The following BRAT1 variants were observed in gnomAD, a reference collection of about 807,000 sequenced individuals.
BRAT1 encodes the protein integrator complex assembly factor BRAT1.
A neutral mutation model predicts 70.6 loss-of-function variants in BRAT1; 74 were observed. The ratio of observed to expected loss-of-function variants is 1.05; its 90% confidence interval spans 0.87 to 1.27. The LOEUF is 1.27. Ranked by LOEUF, BRAT1 falls within the 50% of genes most tolerant of loss-of-function variation. BRAT1 has a pLI of 0.00. For missense variants in BRAT1, 1,203 were observed against 1,098.2 expected (o/e 1.10, Z -1.35); for synonymous variants, 615 against 517.1 (o/e 1.19, Z -2.57).
At chr7:2,540,943 C>G (rs1432505572) in intron 10 of BRAT1, 36 bp downstream of exon 10, 1 of 1,486,698 alleles carries the variant, frequency 6.7e-7, no homozygotes, top group African/African-American at 1.5e-5. Flanking sequence ...GCCTCTGCCT[C>G]CCTCCTCTCC....
intron 10 of BRAT1, chr7:2,540,214 G>C (rs1286263162): frequency 3.5e-6 from 1 of 288,934 alleles, no homozygotes; most frequent in Non-Finnish European, 6.4e-6. Flanking sequence ...CTACCCCTGA[G>C]CTATACTCCT....
At chr7:2,554,107 A>C (rs1047644610) in intron 2 of BRAT1, among the ~76,000 whole-genome samples, 198 bp downstream of exon 2, 6 of 152,218 alleles carry the variant, frequency 3.9e-5, no homozygotes, top group African/African-American at 1.4e-4. Context: ...CTAACTCTCC[A>C]GATCATTCTC....
chr7:2,555,412 C>T (rs1259095634), intron 1 of BRAT1, 75 bp downstream of exon 1: 2 of 152,164 alleles, frequency 1.3e-5, no homozygotes, highest in Non-Finnish European at 2.9e-5. Context: ...GGCCCGCCCG[C>T]CCCCCTCGGC....
At chr7:2,551,662 G>A (rs1269059345) in intron 2 of BRAT1, among the ~76,000 whole-genome samples, 10 of 149,202 alleles carry the variant, frequency 6.7e-5, no homozygotes, top group Non-Finnish European at 1.5e-4. Context: ...CCTGGGTGAC[G>A]CGCAAAAACC....
intron 13 of BRAT1, chr7:2,538,970 A>G: frequency 6.9e-7 from 1 of 1,443,878 alleles, no homozygotes; most frequent in South Asian, 1.5e-5. Flanking sequence ...AACCATGTCT[A>G]AGTGGAGGGG....
chr7:2,539,376 A>G (rs1401306508), intron 12 of BRAT1, 25 bp from the exon 13 acceptor site: 1 of 1,587,310 alleles, frequency 6.3e-7, no homozygotes, highest in Middle Eastern at 2.0e-4. Context: ...GGCCACATGC[A>G]GCTGTGACTG....
At chr7:2,539,941 T>C in intron 10 of BRAT1, 53 bp from the exon 11 acceptor site, 1 of 1,305,836 alleles carries the variant, frequency 7.7e-7, no homozygotes, top group Non-Finnish European at 1.0e-6. Flanking sequence ...GGGCAGGCTG[T>C]CTGTCTGTCC....
At chr7:2,549,719 T>G (rs1381708713) in intron 2 of BRAT1, among the ~76,000 whole-genome samples, 2 of 152,246 alleles carry the variant, frequency 1.3e-5, no homozygotes. Context: ...ACAAGCAATG[T>G]GGTGTTTCTA....
intron 2 of BRAT1, among the ~76,000 whole-genome samples, chr7:2,553,021 G>A (rs949110002): frequency 5.9e-5 from 9 of 151,286 alleles, no homozygotes; most frequent in Non-Finnish European, 1.3e-4. Flanking sequence ...TGGGATTACA[G>A]GCTTGAGCCA....
chr7:2,546,125 C>A (rs904506681), intron 3 of BRAT1, among the ~76,000 whole-genome samples: 1 of 152,228 alleles, frequency 6.6e-6, no homozygotes, highest in Non-Finnish European at 1.5e-5. Context: ...CTGGGAGGCT[C>A]TCGAGCTCTC....
rs568468610 is a variant in BRAT1, at chr7:2,539,233, C to T, written c.1716G>A (p.Leu572=). 9 of 1,610,984 alleles carry T rather than the reference C, an allele frequency of 5.6e-6. No individual in the cohort carries two copies. Among genetic ancestry groups the T allele is most frequent in the African/African-American group, 4.0e-5 (3 of 74,874 alleles). The change falls in exon 13 of 14, where the codon CTG becomes CTA. Residue 572 remains leucine (L), a synonymous_variant. Transcript: ENST00000340611. ...RASAVTAMGQ[L]SSQGLHAPTS... Reference sequence around the variant, plus strand: ...TGGGGGCGTGCAGGCCCTGGCTGGACAGCTGCCCCATGGCGGTCACTGCAC... The same window carrying T: ...TGGGGGCGTGCAGGCCCTGGCTGGATAGCTGCCCCATGGCGGTCACTGCAC...
intron 2 of BRAT1, among the ~76,000 whole-genome samples, chr7:2,547,821 C>T (rs1055911642): frequency 2.2e-4 from 33 of 152,066 alleles, no homozygotes; most frequent in African/African-American, 7.7e-4. Flanking sequence ...TGGTGGCTCA[C>T]GCCTGTAATC....
intron 2 of BRAT1, among the ~76,000 whole-genome samples, chr7:2,553,219 C>A (rs747764277): frequency 6.6e-6 from 1 of 152,036 alleles, no homozygotes; most frequent in Non-Finnish European, 1.5e-5. Context: ...TTAGTAGAGA[C>A]GAGGTCTCAC....
chr7:2,542,286 A>G, intron 6 of BRAT1, 75 bp from the exon 7 acceptor site: 4 of 1,285,488 alleles, frequency 3.1e-6, no homozygotes, highest in Non-Finnish European at 4.4e-6. Context: ...TGTCCCCAGC[A>G]AGCCTGGGGC....
rs1583301401 is a variant in BRAT1, at chr7:2,541,327, T to C, written c.1292A>G (p.Asp431Gly). The C allele has an allele frequency of 3.1e-6, 5 of 1,600,322 alleles. 1 individual carries two copies. The African/African-American group carries it at 4.0e-5, about 13-fold the overall frequency. The change falls in exon 9 of 14, where the codon GAC becomes GGC. Residue 431 changes from aspartate to glycine, a missense_variant. Coordinates refer to ENST00000340611, the MANE Select transcript of BRAT1 (RefSeq NM_152743.4). ...GCVRVQRAALDFLGTLSQGTG... is the reference protein window; with the variant it reads ...GCVRVQRAALGFLGTLSQGTG... ...CCCCTGTGACAGCGTCCCCAGGAAG[T>C]CGAGGGCTGCTCGCTGGACCCGGAC...
At chr7:2,544,774 T>TGCAGTGCAGTCTTTGCAAC in intron 4 of BRAT1, 135 bp downstream of exon 4, 1 of 1,345,886 alleles carries the variant, frequency 7.4e-7, no homozygotes, top group East Asian at 2.8e-5. Context: ...TGGACAGCCG[T>TGCAGTGCAGTCTTTGCAAC]ACTGTCACAG....
intron 2 of BRAT1, among the ~76,000 whole-genome samples, 184 bp from the exon 3 acceptor site, chr7:2,547,662 G>A (rs923380963): frequency 1.3e-5 from 2 of 152,202 alleles, no homozygotes; most frequent in Admixed American, 6.5e-5. Context: ...ATTCAGTAAG[G>A]GCTAGAAAGC....
chr7:2,539,993 AT>A (rs1779022874), intron 10 of BRAT1, 105 bp from the exon 11 acceptor site: 2 of 782,742 alleles, frequency 2.6e-6, no homozygotes, highest in Non-Finnish European at 3.9e-6. Flanking sequence ...AGGGACAGCA[AT>A]GGGGACAGGA....
rs1424682916 is a variant in BRAT1 at position 2,543,472 on chromosome 7, G to A, written c.803+118C>T. The stretch of plus-strand genomic sequence containing the variant: ...AGGGTTCCAGGGTCACCCCGGTGCC[G>A]CTTCACTGCAGGCCATGTCCTCAGA... On this transcript the variant is annotated intron_variant, in intron 5 of 13. Transcript: ENST00000340611. The surrounding 1 kb of genome is among the most constrained non-coding windows in gnomAD (Gnocchi z 5.5). The A allele has an allele frequency of 1.2e-5, 18 of 1,477,080 alleles. No homozygotes were observed. The highest frequency in any genetic ancestry group is 4.8e-5 in the East Asian group (2 of 41,840). The allele number at this position is 1,477,080 out of a possible 1,614,324, so 91.5% of individuals were successfully genotyped here.
Sources: gnomAD v4.1 joint callset for allele counts (sites outside exome capture counted in the v4.1 genomes callset) on GRCh38, gnomAD v4.1.1 for gene constraint, Gnocchi (gnomAD v3.1) non-coding constraint, MANE v1.5 for transcripts, NCBI Gene and HGNC (gene_info 2026-07-23, HGNC 2026-07-21) for gene names.